PCDHGA10: variants seen among roughly 807,000 people sequenced by gnomAD.
PCDHGA10 encodes protocadherin gamma-A10.
Under a neutral mutation model 59.5 loss-of-function variants are expected in PCDHGA10, and 42 were observed. The ratio of observed to expected loss-of-function variants is 0.71; its 90% CI spans 0.55 to 0.91. PCDHGA10 has a LOEUF of 0.91. Among genes scored for constraint, PCDHGA10 ranks in the 40% least tolerant of loss-of-function variants. The probability of loss-of-function intolerance (pLI) is 0.00; values close to 1 mark genes in which losing one functional copy is unlikely to be tolerated. For synonymous variants in PCDHGA10, 511 were observed against 517.2 expected (o/e 0.99, Z 0.16); for missense variants, 1,111 against 1,198.2 (o/e 0.93, Z 1.07).
chr5:141,487,029 T>C lies in PCDHGA10; in HGVS notation c.2437-7778T>C. 1.2e-6 allele frequency: 2 copies of C among 1,614,226 alleles called. No individual in the cohort carries two copies. Among genetic ancestry groups the C allele is most frequent in the Non-Finnish European group, 1.7e-6 (2 of 1,180,040 alleles). ...CTGGAGGCCCCAGATCCCAGCCTGT[T>C]TGCAGTCTCTCGATATGCTGGGGAG... is the stretch of plus-strand genomic sequence containing the variant. On this transcript the variant is annotated intron_variant, in intron 1 of 3. Coordinates refer to ENST00000398610, the MANE Select transcript of PCDHGA10 (RefSeq NM_018913.3). The surrounding 1 kb of genome is among the most constrained non-coding windows in gnomAD (Gnocchi z 5.0).
At chr5:141,467,361 G>T (rs555435172) in intron 1 of PCDHGA10, among the ~76,000 whole-genome samples, 2 of 151,742 alleles carry the variant, frequency 1.3e-5, no homozygotes, top group Non-Finnish European at 2.9e-5. Flanking sequence ...CCAAATCAAC[G>T]TTTTCTTATA....
chr5:141,444,013 C>T (rs1226458485), intron 1 of PCDHGA10, among the ~76,000 whole-genome samples: 2 of 152,060 alleles, frequency 1.3e-5, no homozygotes, highest in Admixed American at 6.6e-5. Flanking sequence ...TGGGTATTGG[C>T]TTCTAAAAGG....
At chr5:141,433,358 C>CCTAA (rs1554125965) in intron 1 of PCDHGA10, 1 of 503,368 alleles carries the variant, frequency 2.0e-6, no homozygotes, top group Non-Finnish European at 3.5e-6. Flanking sequence ...CTACTGTCTG[C>CCTAA]CTATCTATCT....
In PCDHGA10 at chr5:141,502,866, C is replaced by CTTTTTTTTTT. The variant is rs549047197; in HGVS notation, c.2496-2522_2496-2513dup. On this transcript the variant is annotated intron_variant, in intron 2 of 3. Transcript: ENST00000398610. ...GAGCTGCCTAACCCTGACTCTCTGT[C>CTTTTTTTTTT]TTTTTTTTTTTTTTGACAGGGAGTC... 1.9e-3 allele frequency among the ~76,000 whole-genome samples: 240 copies of CTTTTTTTTTT among 127,966 alleles called. 11 individuals are homozygous for CTTTTTTTTTT. The highest frequency in any genetic ancestry group is 3.5e-3 in the Admixed American group (41 of 11,656). The allele number at this position is 127,966 out of a possible 152,430, so 84.0% of individuals were successfully genotyped here.
intron 2 of PCDHGA10, among the ~76,000 whole-genome samples, chr5:141,499,256 A>G (rs371266271): frequency 6.6e-6 from 1 of 151,968 alleles, no homozygotes; most frequent in Non-Finnish European, 1.5e-5. Context: ...AAGAGTCTCC[A>G]TTTGGTCCCT....
intron 1 of PCDHGA10, 161 bp downstream of exon 1, chr5:141,415,772 T>TTC: frequency 7.5e-7 from 1 of 1,332,986 alleles, no homozygotes; most frequent in Non-Finnish European, 9.6e-7. Flanking sequence ...TTTTTTTTTT[T>TTC]ACTTTCTGGT....
In PCDHGA10 at chr5:141,433,837, CA is replaced by C. The variant is rs56191208; in HGVS notation, c.2436+18244del. ...GGGCAACAAGAGTGAAACTCTATCT[CA>C]AAAAAAAAAAAAAAAAACTTTATCC... On this transcript the variant is annotated intron_variant, in intron 1 of 3. Coordinates refer to ENST00000398610, the MANE Select transcript of PCDHGA10 (RefSeq NM_018913.3). Among the ~76,000 whole-genome samples, 895 of 111,670 alleles carry C rather than the reference CA, an allele frequency of 8.0e-3. 6 individuals carry two copies. Among genetic ancestry groups the C allele is most frequent in the South Asian group, 0.02 (67 of 3,288 alleles). The allele number at this position is 111,670 out of a possible 152,430, so 73.3% of individuals were successfully genotyped here. A position where few individuals can be genotyped will look rare whatever the true frequency, so the allele number is the denominator to read the frequency against.
rs1410729947 is a variant in PCDHGA10 at position 141,493,256 on chromosome 5, T to TA, written c.2437-1550dup. 3.3e-5 allele frequency among the ~76,000 whole-genome samples: 5 copies of TA among 152,306 alleles called. No homozygotes were observed. The highest frequency in any genetic ancestry group is 1.2e-4 in the African/African-American group (5 of 41,570). ...TGGCTAGGTACTAACATGCCTCTCT[T>TA]ATAACAGCTTCACAGAGGTCAAGTG... On this transcript the variant is annotated intron_variant, in intron 1 of 3. Transcript: ENST00000398610. This position sits in a 1 kb window ranked among gnomAD's most constrained non-coding sequence, Gnocchi z 4.3.
chr5:141,453,077 T>C (rs2098755487), intron 1 of PCDHGA10, among the ~76,000 whole-genome samples: 1 of 152,090 alleles, frequency 6.6e-6, no homozygotes, highest in African/African-American at 2.4e-5. Context: ...CACACTCTGG[T>C]TGATTAGTAT....
intron 1 of PCDHGA10, among the ~76,000 whole-genome samples, chr5:141,472,402 G>A (rs569497172): frequency 8.5e-5 from 13 of 152,160 alleles, no homozygotes; most frequent in South Asian, 2.1e-4. Context: ...TTAGCCAGGC[G>A]TGGTGGCACG....
intron 1 of PCDHGA10, among the ~76,000 whole-genome samples, chr5:141,446,153 AT>A (rs1158236808): frequency 1.3e-5 from 2 of 152,362 alleles, no homozygotes; most frequent in East Asian, 3.9e-4. Flanking sequence ...TAGGTGGAAT[AT>A]AAATTTCATG....
intron 1 of PCDHGA10, chr5:141,427,790 C>G: frequency 6.7e-7 from 1 of 1,482,224 alleles, no homozygotes; most frequent in South Asian, 1.1e-5. Flanking sequence ...TGTCGTCCTA[C>G]GTGTCCGTGA....
chr5:141,489,563 T>C lies in PCDHGA10; in HGVS notation c.2437-5244T>C, dbSNP rs2099689031. ...ACCAGCTGCCTGCTGCCAGTGCAGG[T>C]GGTGACTGAACACCCCCTGGAGCTA... On this transcript the variant is annotated intron_variant, in intron 1 of 3. Coordinates refer to ENST00000398610, the MANE Select transcript of PCDHGA10 (RefSeq NM_018913.3). The surrounding 1 kb of genome is among the most constrained non-coding windows in gnomAD (Gnocchi z 4.5). 13 of 1,614,006 alleles carry C rather than the reference T, an allele frequency of 8.1e-6. No homozygotes were observed. The highest frequency in any genetic ancestry group is 1.1e-5 in the Non-Finnish European group (13 of 1,179,976).
chr5:141,459,992 C>T (rs1327580257), intron 1 of PCDHGA10, among the ~76,000 whole-genome samples: 1 of 152,126 alleles, frequency 6.6e-6, no homozygotes, highest in Admixed American at 6.5e-5. Flanking sequence ...ACAGGAGAAT[C>T]GCTTGAACCC....
At position 141,487,270 on chromosome 5, in the gene PCDHGA10, A is replaced by T. The variant is rs777469322; in HGVS notation, c.2437-7537A>T. 6.2e-7 allele frequency: 1 copy of T among 1,614,046 alleles called. No homozygotes were observed. Among genetic ancestry groups the T allele is most frequent in the South Asian group, 1.1e-5 (1 of 91,076 alleles). On this transcript the variant is annotated intron_variant, in intron 1 of 3. Transcript: ENST00000398610. The surrounding 1 kb of genome is among the most constrained non-coding windows in gnomAD (Gnocchi z 5.0). ...TCTACTTGGCTGTGTCCCTAGTGGC[A>T]ATTTGCTTTGTCTCCTTTGGCTCAT... is the stretch of plus-strand genomic sequence containing the variant.
chr5:141,484,869 G>C (rs2154580238), intron 1 of PCDHGA10: 1 of 292,558 alleles, frequency 3.4e-6, no homozygotes, highest in African/African-American at 2.2e-5. Flanking sequence ...GGGGGAGCGT[G>C]GAGGATAGGG....
chr5:141,478,617 G>A (rs1010415342), intron 1 of PCDHGA10: 1 of 1,556,398 alleles, frequency 6.4e-7, no homozygotes, highest in Non-Finnish European at 8.7e-7. Context: ...AGGAAGGAAT[G>A]GAGCTGTTTT....
chr5:141,462,599 T>TGG (rs2099043404), intron 1 of PCDHGA10, among the ~76,000 whole-genome samples: 1 of 152,208 alleles, frequency 6.6e-6, no homozygotes, highest in African/African-American at 2.4e-5. Context: ...CCATTTCATA[T>TGG]ATTGTATTTT....
chr5:141,505,317 G>A, intron 2 of PCDHGA10, 76 bp from the exon 3 acceptor site: 1 of 1,603,092 alleles, frequency 6.2e-7, no homozygotes, highest in Non-Finnish European at 8.5e-7. Flanking sequence ...AGGTTTGGGA[G>A]CCCTGGGAGA....
Sources: gnomAD v4.1 joint callset for allele counts (sites outside exome capture counted in the v4.1 genomes callset) on GRCh38, gnomAD v4.1.1 for gene constraint, Gnocchi (gnomAD v3.1) non-coding constraint, MANE v1.5 for transcripts, NCBI Gene and HGNC (gene_info 2026-07-23, HGNC 2026-07-21) for gene names.